TMEM178B: variants seen among roughly 807,000 people sequenced by gnomAD.
The protein encoded by TMEM178B is transmembrane protein 178B.
Under a neutral mutation model 31.0 loss-of-function variants are expected in TMEM178B, and 5 were observed. The observed-to-expected ratio is 0.16, with a 90% CI of 0.08 to 0.34. The LOEUF (loss-of-function observed/expected upper bound fraction) is 0.34, where lower values mean the gene tolerates loss of function less well. Among genes scored for constraint, TMEM178B ranks in the 10% least tolerant of loss-of-function variants. TMEM178B has a pLI of 1.00. For synonymous variants in TMEM178B, 164 were observed against 164.0 expected (o/e 1.00, Z 0.00); for missense variants, 275 against 400.3 (o/e 0.69, Z 2.67).
At chr7:141,497,045 C>T in the TMEM178B span, among the ~76,000 whole-genome samples, 17 of 151,630 alleles carry the variant, frequency 1.1e-4, no homozygotes, top group African/African-American at 4.1e-4. Flanking sequence ...GGGCTGCAGG[C>T]TTGAGCCTGA....
At chr7:141,415,532 G>A (rs1414623726) in intron 2 of TMEM178B, 3 of 152,694 alleles carry the variant, frequency 2.0e-5, no homozygotes, top group Non-Finnish European at 4.4e-5. Flanking sequence ...CTGGGTTCAA[G>A]GGAAGAAGGG....
At chr7:141,261,618 G>A (rs1798013280) in intron 2 of TMEM178B, among the ~76,000 whole-genome samples, 1 of 152,110 alleles carries the variant, frequency 6.6e-6, no homozygotes, top group Admixed American at 6.6e-5. Flanking sequence ...GTGAGTGGAC[G>A]TGATTATCAT....
In TMEM178B at chr7:141,344,569, C is replaced by CTCCTCCCTTCCTTCCTTCCTTCCTTCCT. The variant is rs1563157381; in HGVS notation, c.497-93034_497-93007dup. On this transcript the variant is annotated intron_variant, in intron 2 of 3. Coordinates refer to ENST00000565468, the MANE Select transcript of TMEM178B (RefSeq NM_001195278.2). This position sits in a 1 kb window ranked among gnomAD's most constrained non-coding sequence, Gnocchi z 4.1. ...TCTCCCTCCCTCCCTCCATTCCTCCCTCCTCCCTTCCTTCCTTCCTTCCTT... is the reference window on the plus strand; with the variant it reads ...TCTCCCTCCCTCCCTCCATTCCTCCCTCCTCCCTTCCTTCCTTCCTTCCTTCCTTCCTCCCTTCCTTCCTTCCTTCCTT... Among the ~76,000 whole-genome samples, 5 of 142,212 alleles carry CTCCTCCCTTCCTTCCTTCCTTCCTTCCT rather than the reference C, an allele frequency of 3.5e-5. No homozygotes were observed. Among genetic ancestry groups the CTCCTCCCTTCCTTCCTTCCTTCCTTCCT allele is most frequent in the African/African-American group, 1.1e-4 (4 of 37,316 alleles). 93.3% of individuals were successfully genotyped at this position (142,212 alleles called of 152,430 possible).
At chr7:141,463,214 G>T (rs921465754) in intron 3 of TMEM178B, among the ~76,000 whole-genome samples, 2 of 152,134 alleles carry the variant, frequency 1.3e-5, no homozygotes, top group African/African-American at 4.8e-5. Flanking sequence ...AACCAGCTGC[G>T]ACTGGCTGGC....
chr7:141,226,642 CAG>C (rs1797346058), intron 2 of TMEM178B, among the ~76,000 whole-genome samples: 1 of 151,984 alleles, frequency 6.6e-6, no homozygotes, highest in South Asian at 2.1e-4. Flanking sequence ...CACTTGAGGC[CAG>C]GAGTTCAAGA....
chr7:141,354,007 T>C (rs1188246491), intron 2 of TMEM178B, among the ~76,000 whole-genome samples: 2 of 152,212 alleles, frequency 1.3e-5, no homozygotes, highest in Non-Finnish European at 2.9e-5. Flanking sequence ...AGAATAAACC[T>C]ACCCCTGTCT....
chr7:141,204,994 A>T (rs1021090877), intron 1 of TMEM178B, among the ~76,000 whole-genome samples: 1 of 151,810 alleles, frequency 6.6e-6, no homozygotes, highest in Non-Finnish European at 1.5e-5. Context: ...CTAATTTTTA[A>T]AAGTTTTTTT....
chr7:141,383,554 T>C (rs2116591472), intron 2 of TMEM178B, among the ~76,000 whole-genome samples: 1 of 152,306 alleles, frequency 6.6e-6, no homozygotes, highest in East Asian at 1.9e-4. Context: ...GAACTCATCC[T>C]TTTTTGTGGC....
chr7:141,098,045 G>A (rs940033105), intron 1 of TMEM178B, among the ~76,000 whole-genome samples: 2 of 151,988 alleles, frequency 1.3e-5, no homozygotes, highest in South Asian at 2.1e-4. Flanking sequence ...ACCTGCCTCC[G>A]CCTCCCAAAG....
At chr7:141,413,504 A>C (rs542995442) in intron 2 of TMEM178B, among the ~76,000 whole-genome samples, 1 of 152,350 alleles carries the variant, frequency 6.6e-6, no homozygotes, top group African/African-American at 2.4e-5. Flanking sequence ...AGAGATGTTA[A>C]AGAAAAAGTG....
At chr7:141,234,386 CTT>C (rs1340295031) in intron 2 of TMEM178B, among the ~76,000 whole-genome samples, 1 of 152,090 alleles carries the variant, frequency 6.6e-6, no homozygotes, top group East Asian at 1.9e-4. Flanking sequence ...GAAACAAAGA[CTT>C]TCTAGATTGA....
chr7:141,303,871 A>G (rs1322283163), intron 2 of TMEM178B, among the ~76,000 whole-genome samples: 3 of 152,252 alleles, frequency 2.0e-5, no homozygotes, highest in Non-Finnish European at 4.4e-5. Flanking sequence ...TGCAAAGTGC[A>G]TGCAACATAT....
At position 141,318,530 on chromosome 7, in the gene TMEM178B, A is replaced by G. The variant is rs1799044513; in HGVS notation, c.496+105826A>G. Among the ~76,000 whole-genome samples, 1 of 152,198 alleles carries G rather than the reference A, an allele frequency of 6.6e-6. No individual in the cohort carries two copies. Among genetic ancestry groups the G allele is most frequent in the African/African-American group, 2.4e-5 (1 of 41,450 alleles). ...TTTCACTCACACTAAGGTAAATACC[A>G]TTTGTCACTCAATGAGAAATAAAGA... On this transcript the variant is annotated intron_variant, in intron 2 of 3. Transcript: ENST00000565468. This position sits in a 1 kb window ranked among gnomAD's most constrained non-coding sequence, Gnocchi z 4.1.
At chr7:141,501,393 C>G in the TMEM178B span, among the ~76,000 whole-genome samples, 1 of 151,774 alleles carries the variant, frequency 6.6e-6, no homozygotes. Context: ...TCCACATTCT[C>G]TCCACATTTT....
At chr7:141,294,924 A>C (rs562133703) in intron 2 of TMEM178B, among the ~76,000 whole-genome samples, 1 of 152,310 alleles carries the variant, frequency 6.6e-6, no homozygotes, top group East Asian at 1.9e-4. Context: ...AAGAGACATC[A>C]GGCAAACATG....
chr7:141,163,850 G>A (rs1277136129), intron 1 of TMEM178B, among the ~76,000 whole-genome samples: 1 of 152,146 alleles, frequency 6.6e-6, no homozygotes, highest in Non-Finnish European at 1.5e-5. Context: ...AGTGAAGAAT[G>A]CAAAGGTATA....
At chr7:141,253,313 C>G (rs1272088240) in intron 2 of TMEM178B, among the ~76,000 whole-genome samples, 1 of 152,164 alleles carries the variant, frequency 6.6e-6, no homozygotes, top group Non-Finnish European at 1.5e-5. Flanking sequence ...TCTGAGCATG[C>G]CCACTGTGTT....
At chr7:141,145,778 G>T (rs919644311) in intron 1 of TMEM178B, among the ~76,000 whole-genome samples, 4 of 152,220 alleles carry the variant, frequency 2.6e-5, no homozygotes, top group Admixed American at 2.0e-4. Flanking sequence ...GGGGCTGGGG[G>T]TGGCCATCTG....
At chr7:141,190,580 G>A (rs755126319) in intron 1 of TMEM178B, among the ~76,000 whole-genome samples, 5 of 152,084 alleles carry the variant, frequency 3.3e-5, no homozygotes, top group Non-Finnish European at 7.4e-5. Context: ...CAAGGTGTTC[G>A]GATTACAGGC....
Sources: allele counts gnomAD v4.1 joint callset (sites outside exome capture counted in the v4.1 genomes callset), GRCh38; gene constraint gnomAD v4.1.1; non-coding constraint Gnocchi (gnomAD v3.1); transcripts MANE v1.5; gene names NCBI Gene and HGNC (gene_info 2026-07-23, HGNC 2026-07-21).